SEM1: variants seen among roughly 807,000 people sequenced by gnomAD.
The protein encoded by SEM1 is SEM1 26S proteasome subunit.
Under a neutral mutation model 12.7 loss-of-function variants are expected in SEM1, and 3 were observed. That is an observed-to-expected ratio of 0.24 (90% CI 0.11 to 0.61). The LOEUF (loss-of-function observed/expected upper bound fraction) is 0.61, where lower values mean the gene tolerates loss of function less well. Ranked by LOEUF, SEM1 falls within the 20% of genes least tolerant of loss-of-function variation. SEM1 has a pLI of 0.88. For missense variants in SEM1, 59 were observed against 81.3 expected (o/e 0.73, Z 1.06); for synonymous variants, 30 against 27.8 (o/e 1.08, Z -0.25).
intron 2 of SEM1, among the ~76,000 whole-genome samples, chr7:96,660,374 T>C (rs2116514153): frequency 6.6e-6 from 1 of 152,284 alleles, no homozygotes; most frequent in African/African-American, 2.4e-5. Context: ...CACATTTCTC[T>C]CAATTCTTGA....
At chr7:96,671,901 CTGT>C (rs965945870), downstream of SEM1, among the ~76,000 whole-genome samples, 5 of 152,158 alleles carry the variant, frequency 3.3e-5, no homozygotes, top group African/African-American at 9.7e-5. Flanking sequence ...TTGGGGAAAC[CTGT>C]TGTTATTACA....
At chr7:96,650,426 C>T in intron 2 of SEM1, 1 of 710,572 alleles carries the variant, frequency 1.4e-6, no homozygotes, top group Non-Finnish European at 2.6e-6. Flanking sequence ...AGATGGGCAC[C>T]TCGCCCAATG....
chr7:96,645,980 A>G lies in SEM1; in HGVS notation c.171-23337T>C, dbSNP rs74367374. The G allele has an allele frequency of 4.1e-3, 1,633 of 397,658 alleles. 20 individuals are homozygous for G. The highest frequency in any genetic ancestry group is 0.031 in the African/African-American group (1,491 of 48,694). 24.6% of individuals were successfully genotyped at this position (397,658 alleles called of 1,614,324 possible). A position where few individuals can be genotyped will look rare whatever the true frequency, so the allele number is the denominator to read the frequency against. On this transcript the variant is annotated intron_variant, in intron 2 of 2. Transcript: ENST00000417009. ...ATATTCCATGAATATTTAGTCATGT[A>G]TAGTTTCTTTCATACATTATGTTTC... is the stretch of plus-strand genomic sequence containing the variant.
At chr7:96,531,523 G>A (rs1273215254) in intron 2 of SEM1, among the ~76,000 whole-genome samples, 2 of 151,340 alleles carry the variant, frequency 1.3e-5, no homozygotes, top group African/African-American at 4.8e-5. Context: ...TGGGAGGACT[G>A]TGTGGGCCCA....
intron 2 of SEM1, among the ~76,000 whole-genome samples, chr7:96,541,188 C>A (rs1804933952): frequency 1.3e-5 from 2 of 151,838 alleles, no homozygotes; most frequent in Non-Finnish European, 2.9e-5. Flanking sequence ...AGTGGCTGAA[C>A]TAATTTATAT....
chr7:96,551,728 A>G (rs200032641), intron 2 of SEM1, among the ~76,000 whole-genome samples: 3 of 86,092 alleles, frequency 3.5e-5, no homozygotes, highest in Admixed American at 1.2e-4. Context: ...AAAAAAGAAA[A>G]GAAAAAAAAG....
chr7:96,654,068 T>A (rs1206251442), intron 2 of SEM1, among the ~76,000 whole-genome samples: 1 of 152,116 alleles, frequency 6.6e-6, no homozygotes, highest in Non-Finnish European at 1.5e-5. Context: ...TGCAGAGCAA[T>A]GATGAGAGTG....
intron 2 of SEM1, among the ~76,000 whole-genome samples, chr7:96,643,735 C>A (rs1808692718): frequency 6.6e-6 from 1 of 152,042 alleles, no homozygotes; most frequent in South Asian, 2.1e-4. Flanking sequence ...TGTTCTCACT[C>A]ATAAATGGGA....
chr7:96,549,298 C>T (rs545606210), intron 2 of SEM1, among the ~76,000 whole-genome samples: 1 of 152,242 alleles, frequency 6.6e-6, no homozygotes, highest in East Asian at 1.9e-4. Flanking sequence ...AGGTGGTTTC[C>T]CTACTTGAGT....
intron 2 of SEM1, among the ~76,000 whole-genome samples, chr7:96,572,957 T>G (rs1296037686): frequency 6.6e-6 from 1 of 152,240 alleles, no homozygotes; most frequent in African/African-American, 2.4e-5. Context: ...TTTATGAATC[T>G]GGGTGCTCCT....
chr7:96,697,546 G>C (rs1299288373), intron 1 of SEM1, among the ~76,000 whole-genome samples: 1 of 152,020 alleles, frequency 6.6e-6, no homozygotes, highest in African/African-American at 2.4e-5. Context: ...ATACTAAATA[G>C]GGTTGCAAAT....
At chr7:96,675,352 C>T (rs17496412) in intron 2 of SEM1, among the ~76,000 whole-genome samples, 7,746 of 152,128 alleles carry the variant, frequency 0.051, 245 homozygotes, top group South Asian at 0.09. Context: ...GCCGTCACTT[C>T]TATGTATAGA....
At chr7:96,692,980 G>C (rs182917125) in intron 2 of SEM1, among the ~76,000 whole-genome samples, 1 of 151,828 alleles carries the variant, frequency 6.6e-6, no homozygotes, top group Non-Finnish European at 1.5e-5. Flanking sequence ...AAAAACTGTA[G>C]AAGTATCAGT....
chr7:96,687,464 T>A (rs893190678), downstream of SEM1, among the ~76,000 whole-genome samples: 1 of 152,138 alleles, frequency 6.6e-6, no homozygotes, highest in African/African-American at 2.4e-5. Flanking sequence ...TAAAAAATGA[T>A]GAGTTCATGT....
downstream of SEM1, among the ~76,000 whole-genome samples, chr7:96,621,152 A>G (rs1303769160): frequency 6.6e-6 from 1 of 152,216 alleles, no homozygotes; most frequent in African/African-American, 2.4e-5. Flanking sequence ...ATAGAAGTAG[A>G]TTGATTGTCC....
intron 2 of SEM1, among the ~76,000 whole-genome samples, chr7:96,693,927 T>C (rs1246722809): frequency 1.3e-5 from 2 of 151,956 alleles, no homozygotes; most frequent in Admixed American, 1.3e-4. Context: ...AACTGATGAA[T>C]GTATAAAACG....
Position 96,682,334 on chromosome 7 carries a change from G to C in SEM1, c.171-8475C>G, listed in dbSNP as rs1021636896. 3.3e-5 allele frequency among the ~76,000 whole-genome samples: 5 copies of C among 152,240 alleles called. No homozygotes were observed. In the South Asian group the frequency reaches 8.3e-4, roughly 25 times the overall value. On this transcript the variant is annotated intron_variant, in intron 2 of 2. Coordinates refer to the SEM1 transcript ENST00000413065. The stretch of plus-strand genomic sequence containing the variant: ...TATACAACCATGTCATCTACAAACA[G>C]AGACAATTTGACTTCCTCTCTTCCT...
At chr7:96,597,129 T>C (rs1807021386) in intron 2 of SEM1, among the ~76,000 whole-genome samples, 1 of 152,180 alleles carries the variant, frequency 6.6e-6, no homozygotes, top group Admixed American at 6.5e-5. Context: ...GTTTTCTCCT[T>C]TGCCACTGAG....
intron 1 of SEM1, among the ~76,000 whole-genome samples, chr7:96,701,267 T>C (rs962804068): frequency 1.8e-4 from 28 of 151,464 alleles, no homozygotes; most frequent in Admixed American, 1.8e-3. Flanking sequence ...AAAATTCTTA[T>C]GTTGAAGCCC....
Sources: gnomAD v4.1 joint callset for allele counts (sites outside exome capture counted in the v4.1 genomes callset) on GRCh38, gnomAD v4.1.1 for gene constraint, MANE v1.5 for transcripts, NCBI Gene and HGNC (gene_info 2026-07-23, HGNC 2026-07-21) for gene names.